Variants in PDE8A observed in about 807,000 individuals in gnomAD.
PDE8A encodes high affinity cAMP-specific and IBMX-insensitive 3',5'-cyclic phosphodiesterase 8A.
A neutral mutation model predicts 105.0 loss-of-function variants in PDE8A; 59 were observed. That is an observed-to-expected ratio of 0.56 (90% CI 0.46 to 0.70). The LOEUF is 0.70. Ranked by LOEUF, PDE8A falls within the 30% of genes least tolerant of loss-of-function variation. The pLI is 0.00. For missense variants in PDE8A, 1,014 were observed against 1,045.9 expected, an observed-to-expected ratio of 0.97 and a Z score of 0.42; for synonymous variants, 355 against 371.9, an observed-to-expected ratio of 0.95 and a Z score of 0.52.
intron 6 of PDE8A, among the ~76,000 whole-genome samples, chr15:85,085,053 A>G (rs2081529216): frequency 1.3e-5 from 2 of 152,188 alleles, no homozygotes; most frequent in African/African-American, 4.8e-5. Context: ...TTCTCCACAC[A>G]GACGTAACAC....
intron 1 of PDE8A, among the ~76,000 whole-genome samples, chr15:85,030,337 T>G (rs1411063202): frequency 6.6e-6 from 1 of 152,022 alleles, no homozygotes; most frequent in Admixed American, 6.6e-5. Context: ...CAGTTTGGTA[T>G]GATCTCCTAG....
intron 18 of PDE8A, among the ~76,000 whole-genome samples, chr15:85,122,583 A>G (rs994577112): frequency 1.3e-5 from 2 of 152,236 alleles, no homozygotes; most frequent in Non-Finnish European, 2.9e-5. Flanking sequence ...TTTCATATTC[A>G]TACCCCTTCA....
At chr15:85,101,689 A>T (rs578127989) in intron 11 of PDE8A, among the ~76,000 whole-genome samples, 1 of 152,332 alleles carries the variant, frequency 6.6e-6, no homozygotes, top group Non-Finnish European at 1.5e-5. Context: ...CAGCATTGCC[A>T]TGGTCGAGAG....
chr15:85,010,007 A>G (rs1187976287), intron 1 of PDE8A, among the ~76,000 whole-genome samples: 1 of 152,242 alleles, frequency 6.6e-6, no homozygotes, highest in Non-Finnish European at 1.5e-5. Flanking sequence ...TGTTGAGTGA[A>G]TGAAGCCAGA....
intron 1 of PDE8A, among the ~76,000 whole-genome samples, chr15:84,985,946 T>C (rs886278577): frequency 6.6e-6 from 1 of 152,132 alleles, no homozygotes; most frequent in Non-Finnish European, 1.5e-5. Flanking sequence ...TTAAAGAGGC[T>C]GGGCGCGGTG....
chr15:85,009,517 A>G (rs1383669406), intron 1 of PDE8A, among the ~76,000 whole-genome samples: 2 of 152,228 alleles, frequency 1.3e-5, no homozygotes, highest in Non-Finnish European at 2.9e-5. Flanking sequence ...AAATTTGTGG[A>G]AAGAAGTACT....
At chr15:85,096,341 C>A (rs569866897) in intron 8 of PDE8A, among the ~76,000 whole-genome samples, 8 of 152,050 alleles carry the variant, frequency 5.3e-5, no homozygotes, top group African/African-American at 1.4e-4. Context: ...TGCCTGTGGT[C>A]CCAGCTACTT....
intron 1 of PDE8A, among the ~76,000 whole-genome samples, chr15:85,016,951 T>C (rs544428722): frequency 6.5e-5 from 9 of 139,382 alleles, no homozygotes; most frequent in South Asian, 2.3e-4. Context: ...TGAATTTCCC[T>C]TTTTTTTTTT....
chr15:85,064,796 T>C (rs993219875), intron 2 of PDE8A, among the ~76,000 whole-genome samples: 2 of 152,088 alleles, frequency 1.3e-5, no homozygotes, highest in South Asian at 4.2e-4. Context: ...GGAGACCCAG[T>C]TTCTGCAACA....
rs765957522 is a variant in PDE8A, at chr15:85,089,366, G to GA, written c.668dup (p.Asn223LysfsTer3). On this transcript the variant is annotated frameshift_variant, in exon 7 of 22. Transcript: ENST00000394553. LOFTEE classifies it high-confidence loss of function. Reference sequence around the variant, plus strand: ...TTGTAACTCAGTATTCACTGCATTAGAAAACAGTGAAGATGCAATTGAAAT... The same window carrying GA: ...TTGTAACTCAGTATTCACTGCATTAGAAAAACAGTGAAGATGCAATTGAAAT... 6.3e-7 allele frequency: 1 copy of GA among 1,591,826 alleles called. No homozygotes were observed. The highest frequency in any genetic ancestry group is 1.1e-5 in the South Asian group (1 of 89,662).
chr15:85,084,577 A>G (rs575126217), intron 6 of PDE8A, among the ~76,000 whole-genome samples: 2 of 152,304 alleles, frequency 1.3e-5, no homozygotes, highest in African/African-American at 4.8e-5. Flanking sequence ...GAATTAGGCT[A>G]CTACCCTCTC....
At chr15:84,982,438 C>G (rs976640772) in intron 1 of PDE8A, 90 bp downstream of exon 1, 7 of 794,386 alleles carry the variant, frequency 8.8e-6, no homozygotes, top group Non-Finnish European at 1.0e-5. Context: ...GGGTCCCCCC[C>G]ACCCGGCCTC....
chr15:85,061,781 A>G (rs189962200), intron 1 of PDE8A, among the ~76,000 whole-genome samples: 2 of 151,754 alleles, frequency 1.3e-5, no homozygotes, highest in African/African-American at 4.8e-5. Flanking sequence ...TCTGTTCACT[A>G]TTTTTTTAAA....
At chr15:85,132,042 G>A (rs2082337126) in intron 20 of PDE8A, among the ~76,000 whole-genome samples, 1 of 152,140 alleles carries the variant, frequency 6.6e-6, no homozygotes, top group Non-Finnish European at 1.5e-5. Flanking sequence ...TGGTTATAGT[G>A]TGTCTCAGAT....
At chr15:85,010,412 A>G (rs1234321590) in intron 1 of PDE8A, among the ~76,000 whole-genome samples, 1 of 152,196 alleles carries the variant, frequency 6.6e-6, no homozygotes, top group Non-Finnish European at 1.5e-5. Context: ...TTGCAAAATA[A>G]TACTCATCAT....
rs752896364 is a variant in PDE8A, at chr15:85,031,039, TTGAAA to T, written c.187-33326_187-33322del. 6.6e-5 allele frequency among the ~76,000 whole-genome samples: 10 copies of T among 152,368 alleles called. No homozygotes were observed. In the East Asian group the frequency reaches 1.3e-3, roughly 21 times the overall value. On this transcript the variant is annotated intron_variant, in intron 1 of 21. Coordinates refer to ENST00000394553, the MANE Select transcript of PDE8A (RefSeq NM_002605.3). Reference sequence around the variant, plus strand: ...GCGCATAAAAGGTGCTTTGTAAATGTTGAAATGAATAAATGACAATTTTACATCTA... The same window carrying T: ...GCGCATAAAAGGTGCTTTGTAAATGTTGAATAAATGACAATTTTACATCTA...
At position 85,114,002 on chromosome 15, in the gene PDE8A, C is replaced by A; in HGVS notation, c.1315C>A (p.Pro439Thr). ...SPQFGAKDDD[P>T]HANDLVGGLM... ...ACAGTTTGGTGCTAAAGATGATGAT[C>A]CCCATGCCAATGACCTTGTTGGGGG... Residue 439 changes from proline to threonine, a missense_variant, in exon 14 of 22, where the codon CCC (proline) becomes ACC (threonine). Pro to Thr is a conservative substitution (Grantham distance 38). Coordinates refer to ENST00000394553, the MANE Select transcript of PDE8A (RefSeq NM_002605.3). 6.2e-7 allele frequency: 1 copy of A among 1,613,966 alleles called. No individual in the cohort carries two copies. Among genetic ancestry groups the A allele is most frequent in the Non-Finnish European group, 8.5e-7 (1 of 1,179,788 alleles).
chr15:85,104,233 G>T (rs2081912671), intron 11 of PDE8A, among the ~76,000 whole-genome samples: 1 of 152,112 alleles, frequency 6.6e-6, no homozygotes, highest in Non-Finnish European at 1.5e-5. Context: ...AATATGCTGT[G>T]GTTTGTAGTA....
intron 1 of PDE8A, among the ~76,000 whole-genome samples, chr15:85,043,705 TTTG>T (rs1434284623): frequency 6.0e-5 from 9 of 151,072 alleles, no homozygotes; most frequent in African/African-American, 2.2e-4. Flanking sequence ...TGTTTGTTTG[TTTG>T]TTTTTTTGAG....
Sources: allele counts gnomAD v4.1 joint callset (sites outside exome capture counted in the v4.1 genomes callset), GRCh38; gene constraint gnomAD v4.1.1; transcripts MANE v1.5; gene names NCBI Gene and HGNC (gene_info 2026-07-23, HGNC 2026-07-21).